ETV3L: variants seen among roughly 807,000 people sequenced by gnomAD.
ETV3L encodes ETS variant transcription factor 3 like.
Under a neutral mutation model 27.6 loss-of-function variants are expected in ETV3L, and 30 were observed. The ratio of observed to expected loss-of-function variants is 1.09; its 90% CI spans 0.81 to 1.48. The LOEUF (loss-of-function observed/expected upper bound fraction) is 1.48. ETV3L is among the 40% of genes most tolerant of loss of function. ETV3L has a pLI of 0.00. For synonymous variants in ETV3L, 186 were observed against 188.9 expected (o/e 0.98, Z 0.12); for missense variants, 443 against 455.6 (o/e 0.97, Z 0.25).
At chr1:157,099,038 C>G in intron 2 of ETV3L, 103 bp downstream of exon 2, 1 of 1,533,802 alleles carries the variant, frequency 6.5e-7, no homozygotes, top group Non-Finnish European at 8.9e-7. Flanking sequence ...GGCCAGGACA[C>G]TTCCCAAGCC....
chr1:157,096,955 T>C (rs10796969), intron 4 of ETV3L, among the ~76,000 whole-genome samples: 73,848 of 151,772 alleles, frequency 0.49, 19,375 homozygotes, highest in East Asian at 0.83. Context: ...AAAATGAAAG[T>C]CTGACCATGG....
At chr1:157,097,763 C>T (rs920589443) in intron 4 of ETV3L, 105 bp downstream of exon 4, 1 of 1,378,760 alleles carries the variant, frequency 7.3e-7, no homozygotes, top group Non-Finnish European at 1.0e-6. Flanking sequence ...GAATGAGTTA[C>T]ATAGTATCCC....
Position 157,092,868 on chromosome 1 carries a change from C to A in ETV3L, c.867G>T (p.Leu289Phe), listed in dbSNP as rs771783360. Residue 289 changes from leucine (L) to phenylalanine (F), a missense_variant, in exon 5 of 5, where the codon TTG (leucine) becomes TTT (phenylalanine). Transcript: ENST00000454449. ...CACCCGCACCCTGTCCCAGCCCTGC[C>A]AAGAGAGGAAGCCCTGGAAAATGCC... ...GAWHFPGLPL[L>F]AGLGQGAGER... is the part of the protein sequence containing the mutation. The A allele has an allele frequency of 6.2e-7, 1 of 1,613,986 alleles. No homozygotes were observed. The highest frequency in any genetic ancestry group is 8.5e-7 in the Non-Finnish European group (1 of 1,179,902).
At chr1:157,093,167 C>T in intron 4 of ETV3L, 40 bp from the exon 5 acceptor site, 1 of 1,361,462 alleles carries the variant, frequency 7.3e-7, no homozygotes, top group Non-Finnish European at 9.7e-7. Context: ...GGAGCCCAAC[C>T]TCTCGCAGAT....
chr1:157,098,348 G>A (rs1385903381), intron 3 of ETV3L, among the ~76,000 whole-genome samples: 2 of 151,960 alleles, frequency 1.3e-5, no homozygotes, highest in African/African-American at 2.4e-5. Flanking sequence ...CGTCCACCTC[G>A]TCCTCCCAAA....
In ETV3L at chr1:157,099,798, C is replaced by A; in HGVS notation, c.-275G>T. ...CTGGGGACCTCCCCGCTGCCCAGGG[C>A]TGACTCGGACTCAGGGCTTCCGGCT... On this transcript the variant is annotated 5_prime_UTR_variant, in exon 1 of 5. Coordinates refer to ENST00000454449, the MANE Select transcript of ETV3L (RefSeq NM_001004341.2). 1 of 571,612 alleles carries A rather than the reference C, an allele frequency of 1.7e-6. No homozygotes were observed. The highest frequency in any genetic ancestry group is 3.1e-6 in the Non-Finnish European group (1 of 322,664). The allele number at this position is 571,612 out of a possible 1,614,324, so 35.4% of individuals were successfully genotyped here. A position where few individuals can be genotyped will look rare whatever the true frequency, so the allele number is the denominator to read the frequency against.
rs921046376 is a variant in ETV3L, at chr1:157,099,361, A to C, written c.76T>G (p.Trp26Gly). The C allele has an allele frequency of 5.0e-6, 8 of 1,614,138 alleles. No homozygotes were observed. Among genetic ancestry groups the C allele is most frequent in the Non-Finnish European group, 6.8e-6 (8 of 1,180,020 alleles). The change falls in exon 2 of 5, where the codon TGG becomes GGG. Residue 26 changes from tryptophan (W) to glycine (G), a missense_variant. Coordinates refer to ENST00000454449, the MANE Select transcript of ETV3L (RefSeq NM_001004341.2). ...NWISGLAFPD[W>G]AYKAESSPGS... ...GGGGACGACTCGGCTTTGTAGGCCC[A>C]ATCAGGGAAGGCCAACCCTGGGTGG...
chr1:157,096,315 C>T (rs1461546413), intron 4 of ETV3L, among the ~76,000 whole-genome samples: 1 of 152,192 alleles, frequency 6.6e-6, no homozygotes, highest in African/African-American at 2.4e-5. Flanking sequence ...TGAATATCTG[C>T]ACCCCCCTTG....
chr1:157,096,162 C>A (rs1319439659), intron 4 of ETV3L, among the ~76,000 whole-genome samples: 1 of 152,176 alleles, frequency 6.6e-6, no homozygotes. Flanking sequence ...CCTACTCCCT[C>A]TGAGCTAAGC....
At chr1:157,098,641 G>A in intron 3 of ETV3L, 65 bp downstream of exon 3, 1 of 1,429,638 alleles carries the variant, frequency 7.0e-7, no homozygotes, top group Non-Finnish European at 9.4e-7. Context: ...GGAGGGTGGG[G>A]AGCCTCCTGG....
chr1:157,099,285 T>C lies in ETV3L; in HGVS notation c.152A>G (p.Lys51Arg). 6.2e-7 allele frequency: 1 copy of C among 1,614,190 alleles called. No homozygotes were observed. Among genetic ancestry groups the C allele is most frequent in the Non-Finnish European group, 8.5e-7 (1 of 1,180,042 alleles). ...GGCGATGACATGGCGGAACTCTTCCTTCTGCAGCAGCTCCAGGATGAAGTG... is the reference window on the plus strand; with the variant it reads ...GGCGATGACATGGCGGAACTCTTCCCTCTGCAGCAGCTCCAGGATGAAGTG... The part of the protein sequence containing the change: ...LWHFILELLQ[K>R]EEFRHVIAWQ... Residue 51 changes from lysine (K) to arginine (R), a missense_variant, in exon 2 of 5, where the codon AAG (lysine) becomes AGG (arginine). Lys to Arg is a conservative substitution (Grantham distance 26). Transcript: ENST00000454449.
chr1:157,092,897 C>A lies in ETV3L; in HGVS notation c.838G>T (p.Ala280Ser), dbSNP rs1674143665. 1 of 1,613,958 alleles carries A rather than the reference C, an allele frequency of 6.2e-7. No homozygotes were observed. Among genetic ancestry groups the A allele is most frequent in the Admixed American group, 1.7e-5 (1 of 60,000 alleles). The change falls in exon 5 of 5, where the codon GCC becomes TCC. Residue 280 changes from alanine to serine, a missense_variant. Coordinates refer to ENST00000454449, the MANE Select transcript of ETV3L (RefSeq NM_001004341.2). ...LLPGPRSLPG[A>S]WHFPGLPLLA... ...AGAGGAAGCCCTGGAAAATGCCAGG[C>A]CCCTGGGAGGCTCCTAGGTCCTGGG...
intron 2 of ETV3L, 33 bp downstream of exon 2, chr1:157,099,108 C>T (rs746989914): frequency 3.1e-6 from 5 of 1,611,148 alleles, no homozygotes; most frequent in Admixed American, 1.7e-5. Context: ...TTGAAATCCC[C>T]CCTCTTTGGC....
At chr1:157,094,828 G>A (rs1023361902) in intron 4 of ETV3L, among the ~76,000 whole-genome samples, 3 of 143,530 alleles carry the variant, frequency 2.1e-5, no homozygotes, top group Non-Finnish European at 4.5e-5. Context: ...CAGGAGAACT[G>A]CTTGAACCCG....
rs1371712545 is a variant in ETV3L, at chr1:157,092,742, G to A, written c.993C>T (p.Cys331=). The A allele has an allele frequency of 3.7e-6, 6 of 1,614,152 alleles. No homozygotes were observed. The change falls in exon 5 of 5, where the codon TGC becomes TGT. Residue 331 remains cysteine, a synonymous_variant. Coordinates refer to ENST00000454449, the MANE Select transcript of ETV3L (RefSeq NM_001004341.2). ...KGGLDPREVF[C]PETRRLKTGE... is the part of the protein sequence containing the mutation. ...CAGTTTTGAGTCTGCGGGTCTCTGG[G>A]CAGAAGACCTCCCTGGGATCCAGGC...
chr1:157,094,882 C>T (rs972925173), intron 4 of ETV3L, among the ~76,000 whole-genome samples: 10 of 128,016 alleles, frequency 7.8e-5, no homozygotes, highest in African/African-American at 9.0e-5. Context: ...CATTGCACTC[C>T]AGCCTGGGCA....
intron 4 of ETV3L, among the ~76,000 whole-genome samples, chr1:157,094,774 G>A (rs1168916448): frequency 1.3e-5 from 2 of 152,056 alleles, no homozygotes; most frequent in East Asian, 1.9e-4. Context: ...TTAGCCGGGC[G>A]TGGTGGCACG....
chr1:157,098,861 T>C lies in ETV3L; in HGVS notation c.331A>G (p.Lys111Glu). ...YYNKRILHKT[K>E]GKRFTYKFNF... Reference sequence around the variant, plus strand: ...AACTTGTATGTGAACCTTTTGCCTTTGGTCTTATGCAGGATCCTCTTATTG... The same window carrying C: ...AACTTGTATGTGAACCTTTTGCCTTCGGTCTTATGCAGGATCCTCTTATTG... The change falls in exon 3 of 5, where the codon AAA (lysine) becomes GAA (glutamate). Residue 111 changes from lysine (K) to glutamate (E), a missense_variant. Transcript: ENST00000454449. The C allele has an allele frequency of 6.2e-7, 1 of 1,613,924 alleles. No homozygotes were observed. The highest frequency in any genetic ancestry group is 1.1e-5 in the South Asian group (1 of 91,020).
At position 157,092,789 on chromosome 1, in the gene ETV3L, G is replaced by C. The variant is rs1398184037; in HGVS notation, c.946C>G (p.Pro316Ala). The change falls in exon 5 of 5, where the codon CCC becomes GCC. Residue 316 changes from proline (P) to alanine (A), a missense_variant. Pro to Ala is a conservative substitution (Grantham distance 27, BLOSUM62 -1). Coordinates refer to ENST00000454449, the MANE Select transcript of ETV3L (RefSeq NM_001004341.2). ...AGGCCTCCCTTTGCCTCCATCATGGGAGCAGGCTTTACTTCCAGCCCCTCG... is the reference window on the plus strand; with the variant it reads ...AGGCCTCCCTTTGCCTCCATCATGGCAGCAGGCTTTACTTCCAGCCCCTCG... ...RPEGLEVKPAPMMEAKGGLDP... is the reference protein window; with the variant it reads ...RPEGLEVKPAAMMEAKGGLDP... The C allele has an allele frequency of 6.2e-7, 1 of 1,614,198 alleles. No individual in the cohort carries two copies. Among genetic ancestry groups the C allele is most frequent in the Non-Finnish European group, 8.5e-7 (1 of 1,180,032 alleles).
Sources: allele counts gnomAD v4.1 joint callset (sites outside exome capture counted in the v4.1 genomes callset), GRCh38; gene constraint gnomAD v4.1.1; transcripts MANE v1.5; gene names NCBI Gene and HGNC (gene_info 2026-07-23, HGNC 2026-07-21).